The following ZCWPW2 variants were observed in gnomAD, a reference collection of about 807,000 sequenced individuals.
ZCWPW2 encodes zinc finger CW-type PWWP domain protein 2.
ZCWPW2 carries 45 observed loss-of-function variants against 46.6 expected under a neutral mutation model. The observed-to-expected ratio is 0.96, with a 90% confidence interval of 0.76 to 1.24. The LOEUF (loss-of-function observed/expected upper bound fraction) is 1.24, where lower values mean the gene tolerates loss of function less well. ZCWPW2 is among the 50% of genes most tolerant of loss of function. The pLI is 0.00. For synonymous variants in ZCWPW2, 152 were observed against 137.1 expected, an observed-to-expected ratio of 1.11 and a Z score of -0.76; for missense variants, 429 against 403.9, an observed-to-expected ratio of 1.06 and a Z score of -0.53.
At chr3:28,476,153 T>C (rs1328815266) in intron 4 of ZCWPW2, among the ~76,000 whole-genome samples, 2 of 151,380 alleles carry the variant, frequency 1.3e-5, no homozygotes, top group African/African-American at 4.8e-5. Flanking sequence ...ATATATAATA[T>C]CTCTGGAAGA....
intron 4 of ZCWPW2, among the ~76,000 whole-genome samples, chr3:28,465,521 G>A (rs1047261950): frequency 2.0e-5 from 3 of 152,122 alleles, no homozygotes; most frequent in Non-Finnish European, 4.4e-5. Context: ...AAAAGAACAT[G>A]AACTCATTTT....
At chr3:28,503,464 C>A (rs1322006815) in intron 6 of ZCWPW2, among the ~76,000 whole-genome samples, 4 of 152,108 alleles carry the variant, frequency 2.6e-5, no homozygotes, top group African/African-American at 9.7e-5. Context: ...TGGAATATTT[C>A]TTGCTCACCA....
intron 6 of ZCWPW2, among the ~76,000 whole-genome samples, chr3:28,509,293 G>A (rs947098900): frequency 6.6e-6 from 1 of 152,088 alleles, no homozygotes; most frequent in African/African-American, 2.4e-5. Flanking sequence ...GAACAATCAT[G>A]TACTGGTTCT....
chr3:28,434,302 CA>C (rs978175441), intron 3 of ZCWPW2, among the ~76,000 whole-genome samples: 7 of 151,852 alleles, frequency 4.6e-5, no homozygotes, highest in African/African-American at 1.7e-4. Context: ...TTTTGCTTAT[CA>C]GGGGTGTTAA....
At chr3:28,386,557 T>C (rs1695280787) in intron 1 of ZCWPW2, among the ~76,000 whole-genome samples, 1 of 152,204 alleles carries the variant, frequency 6.6e-6, no homozygotes, top group African/African-American at 2.4e-5. Flanking sequence ...AATTATTAGC[T>C]AAAGTTTGCC....
At chr3:28,458,460 A>G (rs924302945) in intron 4 of ZCWPW2, among the ~76,000 whole-genome samples, 2 of 152,210 alleles carry the variant, frequency 1.3e-5, no homozygotes, top group African/African-American at 4.8e-5. Flanking sequence ...TAGAGTGCCT[A>G]TCTCATTTTT....
chr3:28,463,097 C>G (rs1479488485), intron 4 of ZCWPW2, among the ~76,000 whole-genome samples: 2 of 152,134 alleles, frequency 1.3e-5, no homozygotes, highest in African/African-American at 4.8e-5. Flanking sequence ...CAAACATTTC[C>G]ATGCTTATTC....
intron 4 of ZCWPW2, among the ~76,000 whole-genome samples, chr3:28,461,975 T>G (rs967477007): frequency 1.3e-5 from 2 of 152,174 alleles, no homozygotes; most frequent in East Asian, 3.8e-4. Flanking sequence ...TGGTTGGTTG[T>G]TAATAATTTT....
At position 28,512,185 on chromosome 3, in the gene ZCWPW2, T is replaced by G. The variant is rs550649748; in HGVS notation, c.658-1879T>G. Among the ~76,000 whole-genome samples the G allele has an allele frequency of 1.8e-3, 267 of 152,124 alleles. 1 individual carries two copies. Among genetic ancestry groups the G allele is most frequent in the African/African-American group, 6.3e-3 (261 of 41,488 alleles). ...TTGACATGAAAAATTCTTTTTTTTT[T>G]TTTCTTTCTTGAGACAGAATCTTGC... On this transcript the variant is annotated intron_variant, in intron 6 of 9. Transcript: ENST00000383768.
intron 6 of ZCWPW2, among the ~76,000 whole-genome samples, chr3:28,499,439 A>G (rs1316264067): frequency 6.6e-6 from 1 of 152,122 alleles, no homozygotes; most frequent in Non-Finnish European, 1.5e-5. Context: ...GGCCACATAA[A>G]TGTCTTCTTT....
At chr3:28,407,125 C>T (rs1025069929) in intron 2 of ZCWPW2, among the ~76,000 whole-genome samples, 4 of 152,162 alleles carry the variant, frequency 2.6e-5, no homozygotes, top group African/African-American at 9.7e-5. Flanking sequence ...TTGCACCTGG[C>T]GAGTTTCCTC....
At chr3:28,435,065 C>A in intron 3 of ZCWPW2, 45 bp from the exon 4 acceptor site, 1 of 1,593,092 alleles carries the variant, frequency 6.3e-7, no homozygotes, top group Non-Finnish European at 8.5e-7. Context: ...TGATGTCTAC[C>A]TTTTTAAAAG....
Position 28,524,902 on chromosome 3 carries a change from C to T in ZCWPW2, c.*214C>T, listed in dbSNP as rs1700812331. 1 of 281,580 alleles carries T rather than the reference C, an allele frequency of 3.6e-6. No individual in the cohort carries two copies. Among genetic ancestry groups the T allele is most frequent in the Admixed American group, 5.5e-5 (1 of 18,312 alleles). 17.4% of individuals were successfully genotyped at this position (281,580 alleles called of 1,614,324 possible). ...GTGTTAAAAATTTAGAATTAAAAAA[C>T]CCTGATATTTGTATTTATATATTTC... On this transcript the variant is annotated 3_prime_UTR_variant, in exon 10 of 10. Coordinates refer to ENST00000383768, the MANE Select transcript of ZCWPW2 (RefSeq NM_001040432.4).
At chr3:28,482,802 G>A (rs56082224) in intron 5 of ZCWPW2, among the ~76,000 whole-genome samples, 4,065 of 152,106 alleles carry the variant, frequency 0.027, 162 homozygotes, top group African/African-American at 0.087. Flanking sequence ...TATCTTCTTT[G>A]GTGAGTTGTT....
At chr3:28,435,634 C>T (rs576631705) in intron 4 of ZCWPW2, among the ~76,000 whole-genome samples, 24 of 151,790 alleles carry the variant, frequency 1.6e-4, no homozygotes, top group Middle Eastern at 3.4e-3. Flanking sequence ...TACAGGTGCC[C>T]GCCACCATGC....
intron 1 of ZCWPW2, among the ~76,000 whole-genome samples, chr3:28,359,687 A>G (rs1704868202): frequency 6.6e-6 from 1 of 152,174 alleles, no homozygotes; most frequent in Admixed American, 6.5e-5. Context: ...TTAGGAGAGA[A>G]AAAACTATAG....
chr3:28,428,553 C>T (rs955165465), intron 3 of ZCWPW2: 24 of 152,268 alleles, frequency 1.6e-4, no homozygotes, highest in African/African-American at 5.8e-4. Flanking sequence ...TCACTAATAC[C>T]AGGCATGAAA....
intron 4 of ZCWPW2, among the ~76,000 whole-genome samples, chr3:28,470,351 G>T (rs866381233): frequency 6.6e-6 from 1 of 152,036 alleles, no homozygotes; most frequent in South Asian, 2.1e-4. Flanking sequence ...ACAAAAATTA[G>T]CTGGGTGTGG....
At chr3:28,472,709 A>G (rs1699083444) in intron 4 of ZCWPW2, among the ~76,000 whole-genome samples, 1 of 152,196 alleles carries the variant, frequency 6.6e-6, no homozygotes, top group Non-Finnish European at 1.5e-5. Context: ...CAACCAAAGC[A>G]AAAGTGGACA....
Sources: allele counts gnomAD v4.1 joint callset (sites outside exome capture counted in the v4.1 genomes callset), GRCh38; gene constraint gnomAD v4.1.1; transcripts MANE v1.5; gene names NCBI Gene and HGNC (gene_info 2026-07-23, HGNC 2026-07-21).